MRPS6: variants seen among roughly 807,000 people sequenced by gnomAD.
MRPS6 encodes mitochondrial ribosomal protein S6.
A neutral mutation model predicts 13.1 loss-of-function variants in MRPS6; 6 were observed. The observed-to-expected ratio is 0.46, with a 90% CI of 0.25 to 0.91. MRPS6 has a LOEUF of 0.91. MRPS6 is among the 40% of genes least tolerant of loss of function. The pLI is 0.18. For synonymous variants in MRPS6, 61 were observed against 56.5 expected (o/e 1.08, Z -0.36); for missense variants, 164 against 155.6 (o/e 1.05, Z -0.29).
At chr21:34,076,706 T>C (rs1355882439) in intron 1 of MRPS6, among the ~76,000 whole-genome samples, 1 of 152,250 alleles carries the variant, frequency 6.6e-6, no homozygotes, top group Non-Finnish European at 1.5e-5. Flanking sequence ...GGTTAAATTC[T>C]GAAATATGAC....
At chr21:34,136,250 C>G (rs1602968724) in intron 2 of MRPS6, among the ~76,000 whole-genome samples, 3 of 152,146 alleles carry the variant, frequency 2.0e-5, no homozygotes, top group Admixed American at 6.5e-5. Flanking sequence ...CAGGTTCCAG[C>G]AATTCCCCTG....
rs572873802 is a variant in MRPS6, at chr21:34,142,781, T to G, written c.*181T>G. Reference sequence around the variant, plus strand: ...TTGCGAGAGGTGGGGAACTGCTCACTGACAGCTTCTCTGTAACCTGCAGTA... The same window carrying G: ...TTGCGAGAGGTGGGGAACTGCTCACGGACAGCTTCTCTGTAACCTGCAGTA... On this transcript the variant is annotated 3_prime_UTR_variant, in exon 3 of 3. Transcript: ENST00000399312. The G allele has an allele frequency of 4.7e-5, 27 of 573,188 alleles. No homozygotes were observed. The East Asian group carries it at 9.0e-4, about 19-fold the overall frequency. 35.5% of individuals were successfully genotyped at this position (573,188 alleles called of 1,614,324 possible).
chr21:34,088,020 T>A (rs1189601756), intron 1 of MRPS6, among the ~76,000 whole-genome samples: 1 of 152,150 alleles, frequency 6.6e-6, no homozygotes, highest in East Asian at 1.9e-4. Context: ...TAGAACACAT[T>A]TTTTGGGCAA....
intron 1 of MRPS6, among the ~76,000 whole-genome samples, chr21:34,108,083 G>C (rs1194180366): frequency 6.6e-6 from 1 of 152,178 alleles, no homozygotes; most frequent in Non-Finnish European, 1.5e-5. Context: ...CTGTAGCCTA[G>C]TGATCTTGTA....
intron 1 of MRPS6, among the ~76,000 whole-genome samples, chr21:34,114,812 A>G (rs16991232): frequency 0.012 from 1,826 of 152,336 alleles, 38 homozygotes; most frequent in South Asian, 0.08. Context: ...ACCAAGGCAC[A>G]TGACTAACTA....
At chr21:34,078,530 A>T (rs1478017487) in intron 1 of MRPS6, among the ~76,000 whole-genome samples, 2 of 152,086 alleles carry the variant, frequency 1.3e-5, no homozygotes, top group Non-Finnish European at 2.9e-5. Context: ...ATGTTTCTAG[A>T]TTTTAAAAAT....
intron 2 of MRPS6, among the ~76,000 whole-genome samples, chr21:34,129,973 G>A (rs894517514): frequency 2.0e-5 from 3 of 152,222 alleles, no homozygotes; most frequent in Non-Finnish European, 4.4e-5. Context: ...GTTTGAAGGT[G>A]AATAATTCAC....
intron 1 of MRPS6, among the ~76,000 whole-genome samples, chr21:34,092,408 A>C (rs1978746064): frequency 6.6e-6 from 1 of 152,084 alleles, no homozygotes; most frequent in Non-Finnish European, 1.5e-5. Context: ...GTGAGAAGGG[A>C]ACTGTCCGCA....
intron 2 of MRPS6, among the ~76,000 whole-genome samples, chr21:34,131,949 C>G (rs942283555): frequency 6.6e-6 from 1 of 152,150 alleles, no homozygotes; most frequent in Admixed American, 6.5e-5. Flanking sequence ...TGAGGTTTGT[C>G]TGTAGTAGAT....
rs773705009 is a variant in MRPS6, at chr21:34,142,421, G to T, written c.199G>T (p.Asp67Tyr). The change falls in exon 3 of 3, where the codon GAT becomes TAT. Residue 67 changes from aspartate (D) to tyrosine (Y), a missense_variant. By Grantham distance (160) the Asp-to-Tyr change is radical (BLOSUM62 -3). Transcript: ENST00000399312. Reference protein sequence around the residue: ...QHNRGGYFLVDFYAPTAAVES... With the variant: ...QHNRGGYFLVYFYAPTAAVES... ...ATTTTATTGCAGGTATTTCTTGGTG[G>T]ATTTTTATGCACCCACCGCAGCTGT... The T allele has an allele frequency of 1.3e-6, 2 of 1,569,528 alleles. No homozygotes were observed. The highest frequency in any genetic ancestry group is 2.8e-5 in the African/African-American group (2 of 72,540).
At chr21:34,134,032 C>T (rs1399392759) in intron 2 of MRPS6, among the ~76,000 whole-genome samples, 1 of 152,154 alleles carries the variant, frequency 6.6e-6, no homozygotes, top group East Asian at 1.9e-4. Flanking sequence ...TATTGTGGGG[C>T]AAGGGGAGTG....
intron 2 of MRPS6, among the ~76,000 whole-genome samples, chr21:34,142,081 A>G (rs781196516): frequency 1.3e-5 from 2 of 152,192 alleles, no homozygotes; most frequent in African/African-American, 2.4e-5. Flanking sequence ...TCGTCAATGG[A>G]TTAGAAGTTT....
At chr21:34,074,455 C>T (rs1989274334) in intron 1 of MRPS6, among the ~76,000 whole-genome samples, 1 of 152,214 alleles carries the variant, frequency 6.6e-6, no homozygotes, top group African/African-American at 2.4e-5. Flanking sequence ...CTTTCTTCCC[C>T]CTGCTTTTGA....
chr21:34,111,719 C>T (rs1179004949), intron 1 of MRPS6, among the ~76,000 whole-genome samples: 4 of 152,168 alleles, frequency 2.6e-5, no homozygotes, highest in Non-Finnish European at 5.9e-5. Context: ...TAGGGCTTGC[C>T]CCCTTCCAAG....
In MRPS6 at chr21:34,096,023, C is replaced by T. The variant is rs753534698; in HGVS notation, c.45+22278C>T. The stretch of plus-strand genomic sequence containing the variant: ...GGCAGACCCCAGCTTCAGTATGGTA[C>T]TGGTGTGCTGACCAAGTCATCGTGC... On this transcript the variant is annotated intron_variant, in intron 1 of 2. Coordinates refer to ENST00000399312, the MANE Select transcript of MRPS6 (RefSeq NM_032476.4). This position sits in a 1 kb window ranked among gnomAD's most constrained non-coding sequence, Gnocchi z 5.9. 1 of 1,614,094 alleles carries T rather than the reference C, an allele frequency of 6.2e-7. No homozygotes were observed. The highest frequency in any genetic ancestry group is 8.5e-7 in the Non-Finnish European group (1 of 1,180,000).
intron 1 of MRPS6, chr21:34,101,051 T>C (rs1979215247): frequency 1.0e-6 from 1 of 1,000,018 alleles, no homozygotes; most frequent in African/African-American, 1.7e-5. Flanking sequence ...TAGGTTTGGA[T>C]AGAGAGATGT....
At chr21:34,098,040 T>C in intron 1 of MRPS6, 1 of 999,646 alleles carries the variant, frequency 1.0e-6, no homozygotes, top group South Asian at 4.7e-5. Context: ...CATACTGAAA[T>C]GACCAACAAG....
At chr21:34,124,177 A>G (rs1041204352) in intron 1 of MRPS6, 1 of 152,186 alleles carries the variant, frequency 6.6e-6, no homozygotes, top group Admixed American at 6.5e-5. Context: ...TAGGGGAGCC[A>G]TGGCATCTGA....
intron 1 of MRPS6, among the ~76,000 whole-genome samples, chr21:34,115,315 A>ATTCC (rs1979859307): frequency 6.6e-6 from 1 of 152,166 alleles, no homozygotes; most frequent in Non-Finnish European, 1.5e-5. Context: ...CAAGAGTCTT[A>ATTCC]TTCCTGGCTG....
Sources: allele counts gnomAD v4.1 joint callset (sites outside exome capture counted in the v4.1 genomes callset), GRCh38; gene constraint gnomAD v4.1.1; non-coding constraint Gnocchi (gnomAD v3.1); transcripts MANE v1.5; gene names NCBI Gene and HGNC (gene_info 2026-07-23, HGNC 2026-07-21).